Variants in MOB3B observed in about 807,000 individuals in gnomAD.
MOB3B encodes MOB kinase activator 3B.
MOB3B carries 7 observed loss-of-function variants against 18.7 expected under a neutral mutation model. The observed-to-expected ratio is 0.37, with a 90% CI of 0.21 to 0.70. MOB3B has a LOEUF of 0.70. MOB3B is among the 30% of genes least tolerant of loss of function. The pLI, the probability that MOB3B is intolerant of heterozygous loss-of-function variation, is 0.52. For missense variants in MOB3B, 253 were observed against 281.3 expected (o/e 0.90, Z 0.72); for synonymous variants, 111 against 99.9 (o/e 1.11, Z -0.66).
chr9:27,524,827 G>C (rs1360426811), intron 1 of MOB3B: 1 of 1,613,988 alleles, frequency 6.2e-7, no homozygotes, highest in African/African-American at 1.3e-5. Flanking sequence ...GAACTGAGGA[G>C]ATATTTCCAC....
chr9:27,353,859 T>C (rs1821145685), intron 3 of MOB3B, among the ~76,000 whole-genome samples: 1 of 152,254 alleles, frequency 6.6e-6, no homozygotes, highest in African/African-American at 2.4e-5. Context: ...GCTGACTCCC[T>C]GGCAGCCAAG....
At chr9:27,369,309 T>G (rs1821381934) in intron 2 of MOB3B, among the ~76,000 whole-genome samples, 1 of 152,226 alleles carries the variant, frequency 6.6e-6, no homozygotes, top group African/African-American at 2.4e-5. Flanking sequence ...CCCAGTAGAA[T>G]CTTTCTTCCA....
intron 2 of MOB3B, among the ~76,000 whole-genome samples, chr9:27,428,807 T>C (rs997859620): frequency 6.6e-6 from 1 of 152,198 alleles, no homozygotes; most frequent in Non-Finnish European, 1.5e-5. Context: ...GGAACAATGG[T>C]AACCCATGTA....
intron 1 of MOB3B, among the ~76,000 whole-genome samples, chr9:27,517,647 C>CA (rs756559270): frequency 0.52 from 27,948 of 54,182 alleles, 9,765 homozygotes; most frequent in Non-Finnish European, 0.55. Flanking sequence ...GACTCTGTCT[C>CA]AAAAAAAAAA....
chr9:27,352,983 G>T (rs547392951), intron 3 of MOB3B, among the ~76,000 whole-genome samples: 1 of 152,342 alleles, frequency 6.6e-6, no homozygotes, highest in African/African-American at 2.4e-5. Flanking sequence ...TGTTTTCACT[G>T]ACCATCACTC....
chr9:27,420,175 A>C (rs1160753182), intron 2 of MOB3B, among the ~76,000 whole-genome samples: 2 of 152,132 alleles, frequency 1.3e-5, no homozygotes, highest in African/African-American at 2.4e-5. Flanking sequence ...GCATGGATGC[A>C]GTGATCAGGG....
chr9:27,342,007 T>G (rs971703783), intron 3 of MOB3B, among the ~76,000 whole-genome samples: 3 of 152,182 alleles, frequency 2.0e-5, no homozygotes, highest in Admixed American at 6.5e-5. Context: ...TTATGACATA[T>G]GATTATTTTA....
chr9:27,336,984 C>T (rs74621663), intron 3 of MOB3B, among the ~76,000 whole-genome samples: 7,767 of 152,302 alleles, frequency 0.051, 256 homozygotes, highest in African/African-American at 0.088. Flanking sequence ...CAAAGTGCCT[C>T]CCTGCCCATT....
chr9:27,481,579 A>G (rs993620790), intron 1 of MOB3B, among the ~76,000 whole-genome samples: 68 of 139,874 alleles, frequency 4.9e-4, no homozygotes, highest in East Asian at 1.7e-3. Flanking sequence ...GTGCAGGAGT[A>G]CAGTGGCGTG....
intron 2 of MOB3B, among the ~76,000 whole-genome samples, chr9:27,376,103 A>T (rs944901416): frequency 6.6e-6 from 1 of 152,212 alleles, no homozygotes; most frequent in Non-Finnish European, 1.5e-5. Flanking sequence ...AATTAGAGTC[A>T]TACTAAATAT....
At chr9:27,371,671 A>G (rs940105230) in intron 2 of MOB3B, among the ~76,000 whole-genome samples, 4 of 152,204 alleles carry the variant, frequency 2.6e-5, no homozygotes, top group African/African-American at 9.7e-5. Flanking sequence ...GAATGAGTAA[A>G]GTAGGCTGGG....
intron 2 of MOB3B, among the ~76,000 whole-genome samples, chr9:27,396,605 A>C (rs1003560911): frequency 2.0e-5 from 3 of 152,214 alleles, no homozygotes; most frequent in Non-Finnish European, 4.4e-5. Flanking sequence ...CTCCTTGACT[A>C]TCTACCACTA....
chr9:27,481,493 G>C (rs1051163528), intron 1 of MOB3B, among the ~76,000 whole-genome samples: 1 of 138,600 alleles, frequency 7.2e-6, no homozygotes, highest in Non-Finnish European at 1.5e-5. Flanking sequence ...GTCTAAGGAA[G>C]GTAGTTTTTT....
intron 1 of MOB3B, among the ~76,000 whole-genome samples, chr9:27,486,072 G>A (rs975078791): frequency 2.0e-5 from 3 of 152,198 alleles, no homozygotes; most frequent in South Asian, 4.1e-4. Flanking sequence ...ACACATACAT[G>A]ATGTACAATT....
At chr9:27,336,887 G>A (rs985827961) in intron 3 of MOB3B, among the ~76,000 whole-genome samples, 7 of 152,100 alleles carry the variant, frequency 4.6e-5, no homozygotes, top group Non-Finnish European at 1.0e-4. Flanking sequence ...CATTTTAAAG[G>A]TAAAATCAAA....
At chr9:27,494,584 G>A (rs999561217) in intron 1 of MOB3B, among the ~76,000 whole-genome samples, 17 of 152,184 alleles carry the variant, frequency 1.1e-4, no homozygotes, top group Non-Finnish European at 2.2e-4. Flanking sequence ...GCGCGATCTT[G>A]GCTCACTGCA....
intron 2 of MOB3B, among the ~76,000 whole-genome samples, chr9:27,399,979 C>G (rs1466908141): frequency 1.3e-5 from 2 of 152,126 alleles, no homozygotes; most frequent in Non-Finnish European, 2.9e-5. Context: ...TCAAGCCCAA[C>G]TGCTCCTTTC....
At chr9:27,373,314 G>T (rs1473885795) in intron 2 of MOB3B, among the ~76,000 whole-genome samples, 3 of 152,216 alleles carry the variant, frequency 2.0e-5, no homozygotes, top group African/African-American at 4.8e-5. Flanking sequence ...GTGGAGTCAG[G>T]AGTCATCCTT....
chr9:27,416,201 A>C (rs953708854), intron 2 of MOB3B, among the ~76,000 whole-genome samples: 1 of 152,186 alleles, frequency 6.6e-6, no homozygotes, highest in Non-Finnish European at 1.5e-5. Flanking sequence ...GCAGTTAAGC[A>C]TAAAGATTTC....
Sources: allele counts gnomAD v4.1 joint callset (sites outside exome capture counted in the v4.1 genomes callset), GRCh38; gene constraint gnomAD v4.1.1; transcripts MANE v1.5; gene names NCBI Gene and HGNC (gene_info 2026-07-23, HGNC 2026-07-21).